The following HMCN2 variants were observed in gnomAD, a reference collection of about 807,000 sequenced individuals.
HMCN2 encodes the protein hemicentin 2, also known as hemicentin-2.
Under a neutral mutation model 377.5 loss-of-function variants are expected in HMCN2, and 325 were observed. The observed-to-expected ratio is 0.86, with a 90% CI of 0.79 to 0.94. HMCN2 has a LOEUF of 0.94. Ranked by LOEUF, HMCN2 falls within the 40% of genes least tolerant of loss-of-function variation. HMCN2 has a pLI of 0.00. For synonymous variants in HMCN2, 2,007 were observed against 2,046.8 expected, an observed-to-expected ratio of 0.98 and a Z score of 0.53; for missense variants, 4,543 against 4,725.3, an observed-to-expected ratio of 0.96 and a Z score of 1.13.
intron 96 of HMCN2, 144 bp downstream of exon 96, chr9:130,431,630 AG>A (rs1844765366): frequency 7.9e-7 from 1 of 1,271,028 alleles, no homozygotes; most frequent in African/African-American, 1.5e-5. Context: ...GCAGGCTCAG[AG>A]GGGTTCTGTG....
chr9:130,375,549 G>GC lies in HMCN2; in HGVS notation c.7631-8dup, dbSNP rs1385950338. The GC allele has an allele frequency of 2.3e-5, 23 of 985,760 alleles. No individual in the cohort carries two copies. Among genetic ancestry groups the GC allele is most frequent in the African/African-American group, 3.5e-5 (2 of 57,334 alleles). 61.1% of individuals were successfully genotyped at this position (985,760 alleles called of 1,614,324 possible). A position where few individuals can be genotyped will look rare whatever the true frequency, so the allele number is the denominator to read the frequency against. On this transcript the variant is annotated splice_polypyrimidine_tract_variant and intron_variant, in intron 49 of 97. Transcript: ENST00000683500. ...ATCTCTGCTCATAACTGCCTCCCTG[G>GC]CCCCCCATCACAGTGGCTCCCACCA...
rs1016495134 is a variant in HMCN2, at chr9:130,395,975, G to A, written c.10963G>A (p.Ala3655Thr). ...GCGGGGCAGGTTCCTCCAGCTGCAG[G>A]CCCTGAGCACGGCTGACAGCGGCGA... is the stretch of plus-strand genomic sequence containing the variant. ...PERGRFLQLQALSTADSGDYS... is the reference protein window; with the variant it reads ...PERGRFLQLQTLSTADSGDYS... The change falls in exon 72 of 98, where the codon GCC (alanine) becomes ACC (threonine). Residue 3655 changes from alanine (A) to threonine (T), a missense_variant. Coordinates refer to ENST00000683500, the MANE Select transcript of HMCN2 (RefSeq NM_001291815.2). 1.9e-5 allele frequency: 25 copies of A among 1,287,492 alleles called. 1 individual carries two copies. In the African/African-American group the frequency reaches 3.5e-4, roughly 18 times the overall value. The allele number at this position is 1,287,492 out of a possible 1,614,324, so 79.8% of individuals were successfully genotyped here. A position where few individuals can be genotyped will look rare whatever the true frequency, so the allele number is the denominator to read the frequency against.
chr9:130,321,089 T>A (rs1837828894), intron 18 of HMCN2, among the ~76,000 whole-genome samples, 186 bp downstream of exon 18: 1 of 152,194 alleles, frequency 6.6e-6, no homozygotes. Flanking sequence ...TGTTGCCCTC[T>A]AAAGTCCCGC....
Position 130,424,789 on chromosome 9 carries a change from G to T in HMCN2, c.13395G>T (p.Arg4465=). The part of the protein sequence containing the change: ...HVPANVGPLM[R]VLVVTIAPIY... ...TGCCCCACCCAGGGCCTCTGATGCG[G>T]GTGCTCGTGGTCACCATCGCCCCCA... Residue 4465 remains arginine (R), a synonymous_variant, in exon 88 of 98, where the codon CGG becomes CGT. Transcript: ENST00000683500. 6.5e-7 allele frequency: 1 copy of T among 1,539,548 alleles called. No individual in the cohort carries two copies. Among genetic ancestry groups the T allele is most frequent in the South Asian group, 1.2e-5 (1 of 82,806 alleles).
intron 15 of HMCN2, among the ~76,000 whole-genome samples, chr9:130,316,319 C>T (rs1837558431): frequency 6.6e-6 from 1 of 150,650 alleles, no homozygotes; most frequent in Non-Finnish European, 1.5e-5. Flanking sequence ...GGCAGATGGA[C>T]ACAGGGGTAG....
At chr9:130,358,554 C>A (rs1473349385) in intron 36 of HMCN2, 68 bp downstream of exon 36, 1 of 1,289,604 alleles carries the variant, frequency 7.8e-7, no homozygotes, top group African/African-American at 1.5e-5. Context: ...ACCCTTGGGG[C>A]TGAAGTGTGT....
At chr9:130,397,960 C>A (rs1302029326) in intron 74 of HMCN2, among the ~76,000 whole-genome samples, 1 of 150,660 alleles carries the variant, frequency 6.6e-6, no homozygotes, top group Admixed American at 6.7e-5. Flanking sequence ...CCAACCTGGG[C>A]AACATAGTGA....
intron 11 of HMCN2, 69 bp downstream of exon 11, chr9:130,305,071 C>T (rs907782210): frequency 2.6e-5 from 11 of 431,128 alleles, no homozygotes; most frequent in African/African-American, 1.6e-4. Context: ...CCAGAAGCCG[C>T]GAGTCCTTCC....
At chr9:130,425,563 G>GA (rs1844287829) in intron 89 of HMCN2, 124 bp from the exon 90 acceptor site, 1 of 709,140 alleles carries the variant, frequency 1.4e-6, no homozygotes, top group Admixed American at 2.4e-5. Flanking sequence ...CCCCTGAGTT[G>GA]GGGTAAGGGT....
chr9:130,272,854 G>C (rs1193696975), intron 1 of HMCN2, among the ~76,000 whole-genome samples: 1 of 152,192 alleles, frequency 6.6e-6, no homozygotes, highest in Non-Finnish European at 1.5e-5. Context: ...CACTGCGCCT[G>C]GCCGAGCATC....
chr9:130,298,732 G>A (rs117898282), intron 7 of HMCN2, among the ~76,000 whole-genome samples: 3,709 of 152,220 alleles, frequency 0.024, 54 homozygotes, highest in Non-Finnish European at 0.032. Flanking sequence ...ATGGGGTGGG[G>A]GACAGTTCTA....
chr9:130,348,999 G>T lies in HMCN2; in HGVS notation c.4171G>T (p.Gly1391Cys), dbSNP rs1399019517. 3.8e-6 allele frequency: 5 copies of T among 1,304,064 alleles called. No individual in the cohort carries two copies. 80.8% of individuals were successfully genotyped at this position (1,304,064 alleles called of 1,614,324 possible). Residue 1391 changes from glycine (G) to cysteine (C), a missense_variant, in exon 28 of 98, where the codon GGC becomes TGC. By Grantham distance (159) the Gly-to-Cys change is radical (BLOSUM62 -3). Coordinates refer to ENST00000683500, the MANE Select transcript of HMCN2 (RefSeq NM_001291815.2). ...TCCTACCCAGATTCCTAAGGTGGGC[G>T]GCCACCGCCTCCTGGACGAGGGCCA... is the stretch of plus-strand genomic sequence containing the variant. Reference protein sequence around the residue: ...KDAQLIPKVGGHRLLDEGQSL... With the variant: ...KDAQLIPKVGCHRLLDEGQSL...
chr9:130,313,252 A>G (rs978056758), intron 15 of HMCN2, among the ~76,000 whole-genome samples: 2 of 151,698 alleles, frequency 1.3e-5, no homozygotes, highest in Non-Finnish European at 1.5e-5. Flanking sequence ...ATGGGTGTGT[A>G]CTGTGCCCGC....
In HMCN2 at chr9:130,344,412, G is replaced by T. The variant is rs941017036; in HGVS notation, c.3829+1976G>T. The stretch of plus-strand genomic sequence containing the variant: ...GTATGTTGTATAGTGTTTGGTGTGT[G>T]CATGTATGTGTTCTGTGTGTGTGTG... On this transcript the variant is annotated intron_variant, in intron 25 of 97. Transcript: ENST00000683500. 5.7e-3 allele frequency among the ~76,000 whole-genome samples: 860 copies of T among 151,062 alleles called. 9 individuals are homozygous for T. Among genetic ancestry groups the T allele is most frequent in the African/African-American group, 0.02 (826 of 41,128 alleles).
At chr9:130,407,828 A>G (rs1313324396) in intron 83 of HMCN2, 123 bp downstream of exon 83, 1 of 671,130 alleles carries the variant, frequency 1.5e-6, no homozygotes, top group South Asian at 2.8e-5. Context: ...CCCTGGCTGC[A>G]TGTTAGAATC....
chr9:130,430,223 G>T (rs1488967122), intron 94 of HMCN2, 61 bp from the exon 95 acceptor site: 3 of 1,355,466 alleles, frequency 2.2e-6, no homozygotes, highest in Non-Finnish European at 3.0e-6. Context: ...CCAGGCAATG[G>T]CTGCAGGCTG....
At chr9:130,324,723 C>T (rs1256811784) in intron 19 of HMCN2, among the ~76,000 whole-genome samples, 1 of 152,098 alleles carries the variant, frequency 6.6e-6, no homozygotes, top group African/African-American at 2.4e-5. Context: ...CTCCCGGGTT[C>T]AAGTAATTCT....
chr9:130,399,501 T>C lies in HMCN2; in HGVS notation c.11484-10T>C. ...CAGCAGCCACTTGGCCGTCTGTCTG[T>C]CCACCCCAGGCTCCTGCCCTCCAAC... On this transcript the variant is annotated splice_polypyrimidine_tract_variant and intron_variant, in intron 75 of 97. Transcript: ENST00000683500. 1 of 1,274,970 alleles carries C rather than the reference T, an allele frequency of 7.8e-7. No homozygotes were observed. Among genetic ancestry groups the C allele is most frequent in the African/African-American group, 1.5e-5 (1 of 65,620 alleles). The allele number at this position is 1,274,970 out of a possible 1,614,324, so 79.0% of individuals were successfully genotyped here.
Position 130,348,546 on chromosome 9 carries a change from G to GC in HMCN2, c.4032dup (p.Ser1345GlnfsTer24). Reference sequence around the variant, plus strand: ...TCCTCGGCTCTCCTTGCCCCCAAGTGCCCCCCAGCATCCGGGAGGACGGGC... The same window carrying GC: ...TCCTCGGCTCTCCTTGCCCCCAAGTGCCCCCCCAGCATCCGGGAGGACGGGC... On this transcript the variant is annotated frameshift_variant and splice_region_variant, in exon 27 of 98. Coordinates refer to ENST00000683500, the MANE Select transcript of HMCN2 (RefSeq NM_001291815.2). LOFTEE classifies it high-confidence loss of function. 7.7e-7 allele frequency: 1 copy of GC among 1,303,832 alleles called. No homozygotes were observed. Among genetic ancestry groups the GC allele is most frequent in the Non-Finnish European group, 1.0e-6 (1 of 988,810 alleles). 80.8% of individuals were successfully genotyped at this position (1,303,832 alleles called of 1,614,324 possible).
Sources: allele counts gnomAD v4.1 joint callset (sites outside exome capture counted in the v4.1 genomes callset), GRCh38; gene constraint gnomAD v4.1.1; transcripts MANE v1.5; gene names NCBI Gene and HGNC (gene_info 2026-07-23, HGNC 2026-07-21).